The following SAMD12 variants were observed in gnomAD, a reference collection of about 807,000 sequenced individuals.
The protein encoded by SAMD12 is sterile alpha motif domain-containing protein 12.
Under a neutral mutation model 15.0 loss-of-function variants are expected in SAMD12, and 9 were observed. The observed-to-expected ratio is 0.60, with a 90% CI of 0.36 to 1.05. The LOEUF (loss-of-function observed/expected upper bound fraction) is 1.05. Among genes scored for constraint, SAMD12 ranks in the 50% least tolerant of loss-of-function variants. SAMD12 has a pLI of 0.01. For missense variants in SAMD12, 230 were observed against 234.2 expected, an observed-to-expected ratio of 0.98 and a Z score of 0.12; for synonymous variants, 86 against 90.1, an observed-to-expected ratio of 0.96 and a Z score of 0.25.
In SAMD12 at chr8:118,621,918, C is replaced by T. The variant is rs1828422899; in HGVS notation, c.-102G>A. The T allele has an allele frequency of 2.2e-6, 3 of 1,382,326 alleles. No individual in the cohort carries two copies. The highest frequency in any genetic ancestry group is 4.6e-5 in the East Asian group (2 of 43,752). 85.6% of individuals were successfully genotyped at this position (1,382,326 alleles called of 1,614,324 possible). A position where few individuals can be genotyped will look rare whatever the true frequency, so the allele number is the denominator to read the frequency against. ...CTCGCTTTCGCCTAAATATTCTGCG[C>T]TTATCTGCTCCAGGACCAACCTGCC... On this transcript the variant is annotated 5_prime_UTR_variant, in exon 1 of 4. Coordinates refer to ENST00000314727, the MANE Select transcript of SAMD12 (RefSeq NM_207506.3).
intron 2 of SAMD12, among the ~76,000 whole-genome samples, chr8:118,525,371 C>T (rs184867119): frequency 4.6e-5 from 7 of 152,234 alleles, no homozygotes; most frequent in Non-Finnish European, 7.4e-5. Context: ...GACTTTTCCA[C>T]GGCAATTATC....
the SAMD12 span, among the ~76,000 whole-genome samples, chr8:118,144,863 A>G: frequency 6.6e-6 from 1 of 152,232 alleles, no homozygotes. Flanking sequence ...CTAAAAATCC[A>G]TATAGTCTCC....
chr8:118,505,045 GT>G (rs1263333133), intron 2 of SAMD12, among the ~76,000 whole-genome samples: 1 of 152,180 alleles, frequency 6.6e-6, no homozygotes, highest in Non-Finnish European at 1.5e-5. Context: ...ATTCATTTCT[GT>G]TGCTTTAAGC....
At chr8:118,302,078 GTTT>G (rs58076997) in intron 4 of SAMD12, among the ~76,000 whole-genome samples, 17,016 of 74,270 alleles carry the variant, frequency 0.23, 926 homozygotes, top group African/African-American at 0.32. Context: ...ATCTTTGAGA[GTTT>G]TTTTTTTTTT....
At chr8:118,325,059 C>G (rs892249339) in intron 4 of SAMD12, among the ~76,000 whole-genome samples, 3 of 152,160 alleles carry the variant, frequency 2.0e-5, no homozygotes, top group African/African-American at 7.2e-5. Flanking sequence ...TCTTCTCTCT[C>G]CAGAGCCTGC....
At chr8:118,477,851 A>C (rs1824002915) in intron 2 of SAMD12, among the ~76,000 whole-genome samples, 1 of 151,900 alleles carries the variant, frequency 6.6e-6, no homozygotes, top group Non-Finnish European at 1.5e-5. Flanking sequence ...GTCTCTACTA[A>C]AAATACAAAA....
chr8:118,568,710 T>A (rs13256262), intron 2 of SAMD12, among the ~76,000 whole-genome samples: 15 of 152,006 alleles, frequency 9.9e-5, no homozygotes, highest in Admixed American at 9.8e-4. Flanking sequence ...AGTCCAGGAG[T>A]TATTGACTTT....
intron 3 of SAMD12, among the ~76,000 whole-genome samples, chr8:118,400,863 G>GA (rs968873232): frequency 7.3e-5 from 11 of 149,830 alleles, no homozygotes; most frequent in South Asian, 6.3e-4. Flanking sequence ...ACTGAGAATG[G>GA]AAAAAAAAAT....
the SAMD12 span, among the ~76,000 whole-genome samples, chr8:118,183,814 C>T: frequency 6.6e-6 from 1 of 152,018 alleles, no homozygotes; most frequent in South Asian, 2.1e-4. Context: ...AGTTTTTCAT[C>T]CCTCACCCCT....
the SAMD12 span, among the ~76,000 whole-genome samples, chr8:118,149,606 A>G: frequency 1.7e-3 from 262 of 152,134 alleles, 1 homozygote; most frequent in African/African-American, 6.2e-3. Flanking sequence ...TCTTTCTTCT[A>G]TGGGTTGTGT....
intron 4 of SAMD12, among the ~76,000 whole-genome samples, chr8:118,260,566 G>A (rs1813053009): frequency 6.6e-6 from 1 of 152,042 alleles, no homozygotes; most frequent in African/African-American, 2.4e-5. Context: ...TTTCTGCCTT[G>A]CTGCATGCCC....
intron 2 of SAMD12, among the ~76,000 whole-genome samples, chr8:118,507,063 C>T (rs551764335): frequency 1.1e-4 from 16 of 152,170 alleles, no homozygotes; most frequent in African/African-American, 3.4e-4. Flanking sequence ...CTTACATAAT[C>T]AGTCTAGCTA....
chr8:118,375,422 A>C (rs946425287), downstream of SAMD12, among the ~76,000 whole-genome samples: 1 of 152,162 alleles, frequency 6.6e-6, no homozygotes, highest in Non-Finnish European at 1.5e-5. Context: ...TTAAGCCTTA[A>C]GTGGGTAAGT....
intron 2 of SAMD12, among the ~76,000 whole-genome samples, chr8:118,520,875 T>C (rs1464445776): frequency 6.6e-6 from 1 of 152,210 alleles, no homozygotes; most frequent in Non-Finnish European, 1.5e-5. Flanking sequence ...CATTCTTTTT[T>C]ATATGTATTC....
intron 2 of SAMD12, among the ~76,000 whole-genome samples, chr8:118,487,477 T>C (rs1824322399): frequency 1.3e-5 from 2 of 152,178 alleles, no homozygotes; most frequent in African/African-American, 4.8e-5. Flanking sequence ...AGTCCAGGCT[T>C]CTGCTACTTA....
At position 118,318,310 on chromosome 8, in the gene SAMD12, GTATATA is replaced by G. The variant is rs55959055; in HGVS notation, c.433+61244_433+61249del. On this transcript the variant is annotated intron_variant, in intron 4 of 4. Transcript: ENST00000409003. ...TTAAAAAAATATGGGAGATATATGT[GTATATA>G]TATATATATATATATATATATATAT... Among the ~76,000 whole-genome samples the G allele has an allele frequency of 8.7e-3, 987 of 113,170 alleles. 16 individuals carry two copies. Among genetic ancestry groups the G allele is most frequent in the East Asian group, 0.046 (175 of 3,776 alleles). The allele number at this position is 113,170 out of a possible 152,430, so 74.2% of individuals were successfully genotyped here. A position where few individuals can be genotyped will look rare whatever the true frequency, so the allele number is the denominator to read the frequency against.
intron 3 of SAMD12, among the ~76,000 whole-genome samples, chr8:118,424,416 G>C (rs1822154254): frequency 6.6e-6 from 1 of 152,110 alleles, no homozygotes; most frequent in African/African-American, 2.4e-5. Context: ...CTGAGGCTCA[G>C]TGAGGTTAAA....
At chr8:118,500,226 G>A (rs769617003) in intron 2 of SAMD12, among the ~76,000 whole-genome samples, 8 of 151,798 alleles carry the variant, frequency 5.3e-5, no homozygotes, top group Non-Finnish European at 1.0e-4. Context: ...TTACAGGCAT[G>A]CGCCACTACA....
the SAMD12 span, among the ~76,000 whole-genome samples, chr8:118,138,966 C>T: frequency 6.6e-6 from 1 of 152,166 alleles, no homozygotes; most frequent in African/African-American, 2.4e-5. Context: ...ATCTCATTAG[C>T]GTACAACTCA....
Sources: gnomAD v4.1 joint callset for allele counts (sites outside exome capture counted in the v4.1 genomes callset) on GRCh38, gnomAD v4.1.1 for gene constraint, MANE v1.5 for transcripts, NCBI Gene and HGNC (gene_info 2026-07-23, HGNC 2026-07-21) for gene names.